STARD13: variants seen among roughly 807,000 people sequenced by gnomAD.
STARD13 encodes stAR-related lipid transfer protein 13.
A neutral mutation model predicts 106.4 loss-of-function variants in STARD13; 62 were observed. The observed-to-expected ratio is 0.58, with a 90% CI of 0.48 to 0.72. The LOEUF (loss-of-function observed/expected upper bound fraction) is 0.72. Ranked by LOEUF, STARD13 falls within the 30% of genes least tolerant of loss-of-function variation. The pLI is 0.00. For missense variants in STARD13, 1,387 were observed against 1,424.0 expected, an observed-to-expected ratio of 0.97 and a Z score of 0.42; for synonymous variants, 565 against 553.0, an observed-to-expected ratio of 1.02 and a Z score of -0.31.
the STARD13 span, among the ~76,000 whole-genome samples, chr13:33,401,666 C>T: frequency 6.6e-6 from 1 of 152,202 alleles, no homozygotes; most frequent in South Asian, 2.1e-4. Context: ...TCTCCCATCT[C>T]TTCCCAGCTC....
the STARD13 span, among the ~76,000 whole-genome samples, chr13:33,482,698 A>C: frequency 6.6e-6 from 1 of 152,236 alleles, no homozygotes; most frequent in Non-Finnish European, 1.5e-5. Flanking sequence ...GCATCTTTTA[A>C]TGTGGTAAGG....
chr13:33,360,681 A>ATCCTTCTGTGTCGACAGAAGGAT, the STARD13 span, among the ~76,000 whole-genome samples: 1 of 50,964 alleles, frequency 2.0e-5, no homozygotes, highest in South Asian at 9.5e-4. Context: ...GACAGAAGGA[A>ATCCTTCTGTGTCGACAGAAGGAT]TCCTTCTGTG....
the STARD13 span, among the ~76,000 whole-genome samples, chr13:33,466,417 C>G: frequency 2.0e-5 from 3 of 152,086 alleles, no homozygotes; most frequent in African/African-American, 7.2e-5. Flanking sequence ...CAACATATGA[C>G]TAGTTTAGTT....
the STARD13 span, among the ~76,000 whole-genome samples, chr13:33,378,936 C>T: frequency 6.6e-6 from 1 of 151,990 alleles, no homozygotes. Flanking sequence ...ATGGTGGAGC[C>T]CCGTCTCTAC....
chr13:33,491,869 G>A, the STARD13 span, among the ~76,000 whole-genome samples: 245 of 152,262 alleles, frequency 1.6e-3, no homozygotes, highest in African/African-American at 5.4e-3. Context: ...GTTTTCACTC[G>A]CGTCCATGTG....
At chr13:33,161,211 T>C (rs1465931047) in intron 3 of STARD13, among the ~76,000 whole-genome samples, 2 of 152,158 alleles carry the variant, frequency 1.3e-5, no homozygotes, top group African/African-American at 4.8e-5. Flanking sequence ...TTAGCAAAAC[T>C]ATAGGTACAA....
At chr13:33,591,830 T>C in the STARD13 span, among the ~76,000 whole-genome samples, 3 of 152,194 alleles carry the variant, frequency 2.0e-5, no homozygotes, top group East Asian at 5.8e-4. Flanking sequence ...CATAAAAATC[T>C]ATTATTTGGA....
the STARD13 span, among the ~76,000 whole-genome samples, chr13:33,369,219 A>C: frequency 1.3e-5 from 2 of 151,390 alleles, no homozygotes; most frequent in Admixed American, 1.3e-4. Context: ...GCCTCCTCCC[A>C]CCCTTGTCAG....
chr13:33,490,996 A>G, the STARD13 span, among the ~76,000 whole-genome samples: 2 of 152,160 alleles, frequency 1.3e-5, no homozygotes, highest in Non-Finnish European at 2.9e-5. Flanking sequence ...CGAACAAGGG[A>G]GCCATACCCC....
At chr13:33,635,681 C>CAA in the STARD13 span, among the ~76,000 whole-genome samples, 1 of 149,282 alleles carries the variant, frequency 6.7e-6, no homozygotes, top group African/African-American at 2.5e-5. Flanking sequence ...AACAAACAAA[C>CAA]AAAAAAAACA....
At position 33,322,168 on chromosome 13, in the gene STARD13, A is replaced by T. The variant is rs190751504; in HGVS notation, c.124+28122T>A. 5.3e-5 allele frequency among the ~76,000 whole-genome samples: 8 copies of T among 152,356 alleles called. No individual in the cohort carries two copies. In the East Asian group the frequency reaches 1.5e-3, roughly 29 times the overall value. On this transcript the variant is annotated intron_variant, in intron 1 of 5. Coordinates refer to the STARD13 transcript ENST00000567873. ...CAAATCGATTTCATTTACCAATGTT[A>T]TATACTGCAACTACTCACCCTCGTA...
At chr13:33,624,312 T>G in the STARD13 span, among the ~76,000 whole-genome samples, 14 of 152,366 alleles carry the variant, frequency 9.2e-5, no homozygotes, top group African/African-American at 3.4e-4. Flanking sequence ...GAACTACTGA[T>G]GCATGCATTG....
chr13:33,290,256 A>C (rs1892242260), upstream of STARD13, among the ~76,000 whole-genome samples: 1 of 152,132 alleles, frequency 6.6e-6, no homozygotes, highest in Non-Finnish European at 1.5e-5. Context: ...CAACTGGGAA[A>C]ATGTTTGAGA....
chr13:33,212,235 G>T (rs184633582), intron 1 of STARD13, among the ~76,000 whole-genome samples: 1 of 152,144 alleles, frequency 6.6e-6, no homozygotes, highest in African/African-American at 2.4e-5. Flanking sequence ...CGAGCAGTGT[G>T]GTAGAAAAGA....
chr13:33,528,476 G>A, the STARD13 span, among the ~76,000 whole-genome samples: 1 of 151,040 alleles, frequency 6.6e-6, no homozygotes, highest in Non-Finnish European at 1.5e-5. Context: ...GTCTCGCTAT[G>A]TTACCCAGGC....
chr13:33,242,613 G>A (rs1369714666), intron 1 of STARD13, among the ~76,000 whole-genome samples: 5 of 152,064 alleles, frequency 3.3e-5, no homozygotes, highest in Admixed American at 2.0e-4. Flanking sequence ...CAAACACTGC[G>A]GAAGGCGGCA....
At chr13:33,133,106 A>G (rs778142408) in intron 4 of STARD13, among the ~76,000 whole-genome samples, 24 of 152,228 alleles carry the variant, frequency 1.6e-4, no homozygotes, top group Non-Finnish European at 3.1e-4. Flanking sequence ...TAGATATTTT[A>G]AAACAGAAAC....
rs539901738 is a variant in STARD13, at chr13:33,133,225, C to CCAAGCTGG, written c.388-2944_388-2937dup. Among the ~76,000 whole-genome samples the CCAAGCTGG allele has an allele frequency of 3.6e-3, 545 of 152,278 alleles. 2 individuals carry two copies. Among genetic ancestry groups the CCAAGCTGG allele is most frequent in the Middle Eastern group, 0.027 (8 of 294 alleles). ...CCTTTATTTAGGTTAAGAACACATG[C>CCAAGCTGG]CAAGCTGGGCACTGTGGCCTGGGAA... On this transcript the variant is annotated intron_variant, in intron 4 of 13. Coordinates refer to ENST00000336934, the MANE Select transcript of STARD13 (RefSeq NM_178006.4).
chr13:33,286,848 G>A (rs1892081624), upstream of STARD13, among the ~76,000 whole-genome samples: 1 of 151,918 alleles, frequency 6.6e-6, no homozygotes, highest in Non-Finnish European at 1.5e-5. Context: ...ATCTGAGTGT[G>A]TGTGTATATA....
Sources: allele counts gnomAD v4.1 joint callset (sites outside exome capture counted in the v4.1 genomes callset), GRCh38; gene constraint gnomAD v4.1.1; transcripts MANE v1.5; gene names NCBI Gene and HGNC (gene_info 2026-07-23, HGNC 2026-07-21).